Variants in NCAM2 observed in about 807,000 individuals in gnomAD.
NCAM2 encodes the protein neural cell adhesion molecule 2, also known as N-CAM-2.
In NCAM2, 30 loss-of-function variants were observed where a neutral mutation model predicts 98.1. The observed-to-expected ratio is 0.31, with a 90% CI of 0.23 to 0.41. The LOEUF is 0.41. Ranked by LOEUF, NCAM2 falls within the 10% of genes least tolerant of loss-of-function variation. The pLI is 1.00. For missense variants in NCAM2, 867 were observed against 1,005.8 expected, an observed-to-expected ratio of 0.86 and a Z score of 1.87; for synonymous variants, 368 against 342.4, an observed-to-expected ratio of 1.07 and a Z score of -0.83.
At chr21:21,319,617 T>C (rs954049162) in intron 5 of NCAM2, among the ~76,000 whole-genome samples, 1 of 152,030 alleles carries the variant, frequency 6.6e-6, no homozygotes, top group African/African-American at 2.4e-5. Context: ...CTCCAGCCTG[T>C]CCGACAGAGT....
intron 1 of NCAM2, among the ~76,000 whole-genome samples, chr21:21,040,247 C>T (rs1014419419): frequency 6.6e-6 from 1 of 152,072 alleles, no homozygotes; most frequent in African/African-American, 2.4e-5. Context: ...TTATTAAAGA[C>T]TCATGAAGCT....
At chr21:21,143,240 T>C (rs2146663672) in intron 1 of NCAM2, among the ~76,000 whole-genome samples, 1 of 152,188 alleles carries the variant, frequency 6.6e-6, no homozygotes, top group East Asian at 1.9e-4. Flanking sequence ...TGTGAGAAAA[T>C]GGTATTTTTG....
intron 1 of NCAM2, among the ~76,000 whole-genome samples, chr21:21,233,469 T>C (rs1240473835): frequency 6.6e-6 from 1 of 151,650 alleles, no homozygotes; most frequent in Non-Finnish European, 1.5e-5. Context: ...TATTTTTAAT[T>C]TGACATGCCA....
chr21:21,219,804 T>C (rs915385187), intron 1 of NCAM2, among the ~76,000 whole-genome samples: 4 of 152,190 alleles, frequency 2.6e-5, no homozygotes, highest in Non-Finnish European at 4.4e-5. Context: ...ATGCTTGTTA[T>C]TGCCCCTGAA....
intron 16 of NCAM2, among the ~76,000 whole-genome samples, chr21:21,520,237 A>G (rs1244399997): frequency 2.6e-5 from 4 of 152,154 alleles, no homozygotes; most frequent in Non-Finnish European, 5.9e-5. Flanking sequence ...ATTCCTTTCT[A>G]TCAGGAAACT....
chr21:21,354,338 C>T (rs1345227471), intron 8 of NCAM2, among the ~76,000 whole-genome samples: 1 of 152,102 alleles, frequency 6.6e-6, no homozygotes, highest in Non-Finnish European at 1.5e-5. Context: ...CATTTGATAA[C>T]CAGCTTCATC....
chr21:21,414,620 C>T (rs926590290), intron 10 of NCAM2, among the ~76,000 whole-genome samples: 2 of 152,020 alleles, frequency 1.3e-5, no homozygotes, highest in South Asian at 2.1e-4. Context: ...CAGGTGCCTG[C>T]CACCACGCCC....
chr21:21,037,700 T>C (rs1044956375), intron 1 of NCAM2, among the ~76,000 whole-genome samples: 1 of 152,204 alleles, frequency 6.6e-6, no homozygotes, highest in Non-Finnish European at 1.5e-5. Flanking sequence ...GACATATTAC[T>C]GGAATTTGGA....
chr21:21,249,593 T>C (rs1265908858), intron 1 of NCAM2, among the ~76,000 whole-genome samples: 1 of 152,228 alleles, frequency 6.6e-6, no homozygotes. Flanking sequence ...AAATTTGTGC[T>C]AAGATAATGA....
At chr21:21,373,121 A>C (rs1389535122) in intron 8 of NCAM2, among the ~76,000 whole-genome samples, 1 of 151,830 alleles carries the variant, frequency 6.6e-6, no homozygotes, top group Non-Finnish European at 1.5e-5. Flanking sequence ...ATTTCACTAT[A>C]ACATAATTTG....
chr21:21,300,979 A>G (rs1300045871), intron 5 of NCAM2, among the ~76,000 whole-genome samples: 2 of 151,960 alleles, frequency 1.3e-5, no homozygotes, highest in Non-Finnish European at 2.9e-5. Flanking sequence ...GTATATATAG[A>G]TATGCGTTTG....
intron 1 of NCAM2, among the ~76,000 whole-genome samples, chr21:21,014,890 A>G (rs375605419): frequency 6.6e-6 from 1 of 152,308 alleles, no homozygotes; most frequent in East Asian, 1.9e-4. Context: ...GTCAACATTA[A>G]TAGGAGTTTG....
At chr21:21,270,149 T>A (rs2072439118) in intron 1 of NCAM2, among the ~76,000 whole-genome samples, 1 of 152,192 alleles carries the variant, frequency 6.6e-6, no homozygotes, top group African/African-American at 2.4e-5. Flanking sequence ...CTATGTTGAC[T>A]TCATCAAGGC....
At chr21:21,263,737 G>A (rs2072014487) in intron 1 of NCAM2, among the ~76,000 whole-genome samples, 1 of 152,046 alleles carries the variant, frequency 6.6e-6, no homozygotes, top group Admixed American at 6.6e-5. Flanking sequence ...TCTCAAAGTT[G>A]ACAAAAATAA....
At chr21:21,505,587 C>T (rs1217547016) in intron 15 of NCAM2, among the ~76,000 whole-genome samples, 1 of 151,614 alleles carries the variant, frequency 6.6e-6, no homozygotes, top group African/African-American at 2.4e-5. Flanking sequence ...ACTAGCCAAA[C>T]CTGAATTATT....
intron 16 of NCAM2, among the ~76,000 whole-genome samples, chr21:21,513,901 G>A (rs897057177): frequency 5.3e-5 from 8 of 151,962 alleles, no homozygotes; most frequent in Admixed American, 3.3e-4. Context: ...ATTTATAATT[G>A]TTATATTCCC....
At chr21:21,073,665 A>T (rs2065619768) in intron 1 of NCAM2, among the ~76,000 whole-genome samples, 2 of 152,190 alleles carry the variant, frequency 1.3e-5, no homozygotes, top group African/African-American at 2.4e-5. Context: ...TACCTTTAAC[A>T]TACCTCAGAC....
intron 9 of NCAM2, among the ~76,000 whole-genome samples, chr21:21,385,287 T>A (rs993651869): frequency 3.3e-5 from 5 of 151,914 alleles, no homozygotes; most frequent in Admixed American, 6.6e-5. Context: ...TACCTATTAA[T>A]AAAGCTCAGA....
At chr21:21,336,304 A>T (rs1451814760) in intron 7 of NCAM2, among the ~76,000 whole-genome samples, 1 of 151,910 alleles carries the variant, frequency 6.6e-6, no homozygotes, top group East Asian at 1.9e-4. Flanking sequence ...TTAACATTTA[A>T]TATGTTTTCT....
Sources: allele counts gnomAD v4.1 joint callset (sites outside exome capture counted in the v4.1 genomes callset), GRCh38; gene constraint gnomAD v4.1.1; transcripts MANE v1.5; gene names NCBI Gene and HGNC (gene_info 2026-07-23, HGNC 2026-07-21).